Variants in SHISA9 observed in about 807,000 individuals in gnomAD.
The protein encoded by SHISA9 is protein shisa-9.
In SHISA9, 13 loss-of-function variants were observed where a neutral mutation model predicts 38.0. That is an observed-to-expected ratio of 0.34 (90% CI 0.22 to 0.54). SHISA9 has a LOEUF of 0.54. SHISA9 is among the 20% of genes least tolerant of loss of function. SHISA9 has a pLI of 0.91. For synonymous variants in SHISA9, 275 were observed against 242.0 expected, an observed-to-expected ratio of 1.14 and a Z score of -1.27; for missense variants, 538 against 575.8, an observed-to-expected ratio of 0.93 and a Z score of 0.67.
At chr16:13,272,873 T>A in the SHISA9 span, among the ~76,000 whole-genome samples, 3 of 152,284 alleles carry the variant, frequency 2.0e-5, no homozygotes, top group South Asian at 6.2e-4. Context: ...TTGAACAGAT[T>A]TTTTTTATTC....
chr16:13,514,823 G>A, the SHISA9 span, among the ~76,000 whole-genome samples: 2 of 152,092 alleles, frequency 1.3e-5, no homozygotes, highest in Admixed American at 6.5e-5. Context: ...AAACCGCATC[G>A]ATACACGTCG....
chr16:13,548,220 A>T, the SHISA9 span, among the ~76,000 whole-genome samples: 1 of 152,150 alleles, frequency 6.6e-6, no homozygotes, highest in African/African-American at 2.4e-5. Context: ...CTCACAATGA[A>T]TTAAAGATTT....
rs1357515790 is a variant in SHISA9, at chr16:13,203,484, C to G, written c.782C>G (p.Ser261Cys). The part of the protein sequence containing the change: ...PHSYPNLGQI[S>C]NPYEQQPPGK... ...TCGTACCCGAACCTGGGCCAGATCT[C>G]CAACCCCTATGAACAGCAGCCACCA... The change falls in exon 3 of 5, where the codon TCC (serine) becomes TGC (cysteine). Residue 261 changes from serine (S) to cysteine (C), a missense_variant. Physicochemically the swap from Ser to Cys is moderately radical, Grantham distance 112 (BLOSUM62 -1). Coordinates refer to ENST00000558583, the MANE Select transcript of SHISA9 (RefSeq NM_001145204.3). 8 of 1,551,176 alleles carry G rather than the reference C, an allele frequency of 5.2e-6. No individual in the cohort carries two copies. The highest frequency in any genetic ancestry group is 1.4e-5 in the African/African-American group (1 of 73,008).
chr16:13,460,409 A>T, the SHISA9 span, among the ~76,000 whole-genome samples: 4 of 152,170 alleles, frequency 2.6e-5, no homozygotes, highest in Non-Finnish European at 5.9e-5. Context: ...AGCCCCCCCG[A>T]TCCATCATAT....
the SHISA9 span, among the ~76,000 whole-genome samples, chr16:13,356,923 C>T: frequency 6.6e-5 from 10 of 152,074 alleles, no homozygotes; most frequent in East Asian, 1.9e-4. Context: ...TGGGGTCAAA[C>T]GGCATTGCAG....
intron 2 of SHISA9, among the ~76,000 whole-genome samples, chr16:13,150,209 T>G (rs1018344041): frequency 1.3e-5 from 2 of 152,100 alleles, no homozygotes; most frequent in African/African-American, 4.8e-5. Context: ...CTACTGCGTT[T>G]GTTCCACCTC....
At chr16:13,438,513 C>T in the SHISA9 span, among the ~76,000 whole-genome samples, 5 of 151,944 alleles carry the variant, frequency 3.3e-5, no homozygotes, top group Middle Eastern at 0.01. Context: ...CATTAAGCTA[C>T]AAAAATAAAG....
the SHISA9 span, among the ~76,000 whole-genome samples, chr16:13,262,670 A>AGGG: frequency 9.9e-5 from 7 of 70,668 alleles, no homozygotes; most frequent in African/African-American, 2.6e-4. Flanking sequence ...GGAAGGAAGG[A>AGGG]AGGGAGGGAG....
rs772270454 is a variant in SHISA9 at position 12,902,124 on chromosome 16, G to T, written c.60G>T (p.Val20=). ...GCFLTELCAR[V]CRAQERAGHG... is the part of the protein sequence containing the mutation. Reference sequence around the variant, plus strand: ...TCCTCACCGAGCTGTGCGCCCGCGTGTGCCGGGCGCAGGAGCGAGCGGGAC... The same window carrying T: ...TCCTCACCGAGCTGTGCGCCCGCGTTTGCCGGGCGCAGGAGCGAGCGGGAC... Residue 20 remains valine, a synonymous_variant, in exon 1 of 5, where the codon GTG becomes GTT. Transcript: ENST00000558583. 1 of 1,501,814 alleles carries T rather than the reference G, an allele frequency of 6.7e-7. No individual in the cohort carries two copies. The highest frequency in any genetic ancestry group is 1.2e-5 in the South Asian group (1 of 80,722). The allele number at this position is 1,501,814 out of a possible 1,614,324, so 93.0% of individuals were successfully genotyped here.
intron 2 of SHISA9, among the ~76,000 whole-genome samples, chr16:13,166,982 TA>T (rs1055201844): frequency 2.6e-5 from 4 of 151,410 alleles, no homozygotes; most frequent in East Asian, 3.9e-4. Context: ...AACTTCAAAT[TA>T]AAAAAAAATT....
chr16:13,440,153 T>G, the SHISA9 span, among the ~76,000 whole-genome samples: 1 of 152,212 alleles, frequency 6.6e-6, no homozygotes, highest in Non-Finnish European at 1.5e-5. Flanking sequence ...TCCATGAATT[T>G]GAAGGTGGTT....
At chr16:13,158,229 C>G (rs2050564345) in intron 2 of SHISA9, among the ~76,000 whole-genome samples, 1 of 152,204 alleles carries the variant, frequency 6.6e-6, no homozygotes, top group African/African-American at 2.4e-5. Context: ...GACTGACCAA[C>G]ATTCAGATCC....
chr16:13,019,884 C>CTCCCTCCT (rs1567184073), intron 2 of SHISA9, among the ~76,000 whole-genome samples: 5 of 20,920 alleles, frequency 2.4e-4, no homozygotes, highest in South Asian at 2.3e-3. Context: ...CCCTCCCTCC[C>CTCCCTCCT]TTCTTTCTTT....
chr16:13,198,495 C>G (rs1403979251), intron 2 of SHISA9, among the ~76,000 whole-genome samples: 3 of 152,122 alleles, frequency 2.0e-5, no homozygotes, highest in Non-Finnish European at 2.9e-5. Flanking sequence ...AGATTATAAC[C>G]TAGATCTCAT....
the SHISA9 span, among the ~76,000 whole-genome samples, chr16:13,429,785 T>G: frequency 6.6e-6 from 1 of 152,214 alleles, no homozygotes; most frequent in Non-Finnish European, 1.5e-5. Flanking sequence ...ATTAAGACAG[T>G]TTGCAGATGA....
At chr16:12,999,212 G>A (rs528912007) in intron 2 of SHISA9, among the ~76,000 whole-genome samples, 4 of 152,118 alleles carry the variant, frequency 2.6e-5, no homozygotes, top group African/African-American at 4.8e-5. Flanking sequence ...AGCACTACAC[G>A]TGGGGGCTGC....
At chr16:13,464,582 T>C in the SHISA9 span, among the ~76,000 whole-genome samples, 46,828 of 152,032 alleles carry the variant, frequency 0.31, 7,441 homozygotes, top group East Asian at 0.39. Flanking sequence ...TTGTTTTGGT[T>C]CAAGCTGAAA....
intron 2 of SHISA9, among the ~76,000 whole-genome samples, chr16:13,080,040 A>T (rs2073629544): frequency 6.6e-6 from 1 of 152,096 alleles, no homozygotes; most frequent in South Asian, 2.1e-4. Flanking sequence ...GGGAAATTTT[A>T]GGCGTCTAGA....
rs929459356 is a variant in SHISA9 at position 13,069,563 on chromosome 16, C to T, written c.692-133831C>T. Among the ~76,000 whole-genome samples the T allele has an allele frequency of 4.0e-5, 6 of 150,098 alleles. No homozygotes were observed. The South Asian group carries it at 8.5e-4, about 21-fold the overall frequency. ...CATGTGTAGGGTGTATGTATATAAG[C>T]GTGCATGTGTATGTGTGTGTACATG... On this transcript the variant is annotated intron_variant, in intron 2 of 4. Transcript: ENST00000558583.
Sources: allele counts gnomAD v4.1 joint callset (sites outside exome capture counted in the v4.1 genomes callset), GRCh38; gene constraint gnomAD v4.1.1; transcripts MANE v1.5; gene names NCBI Gene and HGNC (gene_info 2026-07-23, HGNC 2026-07-21).